Variants in SNRK observed in about 807,000 individuals in gnomAD.
SNRK encodes SNF related kinase, also known as SNF-related serine/threonine-protein kinase.
A neutral mutation model predicts 48.2 loss-of-function variants in SNRK; 3 were observed. The ratio of observed to expected loss-of-function variants is 0.06; its 90% CI spans 0.03 to 0.16. The LOEUF (loss-of-function observed/expected upper bound fraction) is 0.16, where lower values mean the gene tolerates loss of function less well. SNRK is among the 10% of genes least tolerant of loss of function. The pLI is 1.00. For synonymous variants in SNRK, 376 were observed against 366.1 expected (o/e 1.03, Z -0.31); for missense variants, 627 against 976.0 (o/e 0.64, Z 4.76).
At chr3:43,336,753 T>TGGTTTG (rs2091192382) in intron 4 of SNRK, among the ~76,000 whole-genome samples, 1 of 151,852 alleles carries the variant, frequency 6.6e-6, no homozygotes, top group African/African-American at 2.4e-5. Flanking sequence ...TTGTTTGTTT[T>TGGTTTG]GGTTTTGGTT....
At chr3:43,346,177 G>A (rs998520312) in intron 6 of SNRK, among the ~76,000 whole-genome samples, 2 of 152,138 alleles carry the variant, frequency 1.3e-5, no homozygotes, top group Non-Finnish European at 2.9e-5. Flanking sequence ...GTCATTGTTC[G>A]GTTATGACCA....
chr3:43,318,761 C>T (rs2091031473), intron 3 of SNRK, among the ~76,000 whole-genome samples: 1 of 152,064 alleles, frequency 6.6e-6, no homozygotes, highest in Non-Finnish European at 1.5e-5. Context: ...CGTGGTGGCT[C>T]ATGCCTTTAA....
chr3:43,301,898 A>G (rs1380566642), intron 2 of SNRK, among the ~76,000 whole-genome samples: 1 of 152,218 alleles, frequency 6.6e-6, no homozygotes, highest in East Asian at 1.9e-4. Context: ...GTGAGATATA[A>G]AGTTGCATCT....
At chr3:43,302,796 T>G (rs961424778) in intron 2 of SNRK, among the ~76,000 whole-genome samples, 1 of 152,148 alleles carries the variant, frequency 6.6e-6, no homozygotes, top group African/African-American at 2.4e-5. Flanking sequence ...AAAATGTTTG[T>G]TTTTTAAACA....
intron 4 of SNRK, among the ~76,000 whole-genome samples, chr3:43,339,818 A>AATATATATATATAT (rs71083066): frequency 4.3e-4 from 29 of 66,720 alleles, no homozygotes; most frequent in East Asian, 7.6e-4. Context: ...CCATTTCCAA[A>AATATATATATATAT]ATATATATAT....
At chr3:43,329,224 G>T (rs1045703839) in intron 3 of SNRK, among the ~76,000 whole-genome samples, 4 of 152,154 alleles carry the variant, frequency 2.6e-5, no homozygotes, top group African/African-American at 9.7e-5. Context: ...GGATCATGAG[G>T]TCAGGGGATC....
intron 3 of SNRK, among the ~76,000 whole-genome samples, chr3:43,318,136 G>T (rs1296425879): frequency 6.6e-6 from 1 of 152,104 alleles, no homozygotes; most frequent in Non-Finnish European, 1.5e-5. Flanking sequence ...AAGAGTATCC[G>T]AGGTACCCTT....
intron 3 of SNRK, among the ~76,000 whole-genome samples, chr3:43,323,969 G>T (rs2091074688): frequency 6.6e-6 from 1 of 152,150 alleles, no homozygotes; most frequent in African/African-American, 2.4e-5. Flanking sequence ...AAATTTTGGG[G>T]TAACACAGCT....
chr3:43,306,310 A>G (rs905385027), intron 3 of SNRK, among the ~76,000 whole-genome samples: 4 of 152,164 alleles, frequency 2.6e-5, no homozygotes, highest in African/African-American at 4.8e-5. Context: ...TTTTTCACAA[A>G]TGTTTAGTAA....
chr3:43,310,408 T>A (rs2090970924), intron 3 of SNRK, among the ~76,000 whole-genome samples: 1 of 152,208 alleles, frequency 6.6e-6, no homozygotes, highest in South Asian at 2.1e-4. Context: ...TCTCCTACCC[T>A]ACAAATAAGA....
At chr3:43,338,730 TG>T (rs1408419701) in intron 4 of SNRK, among the ~76,000 whole-genome samples, 5 of 144,332 alleles carry the variant, frequency 3.5e-5, no homozygotes, top group African/African-American at 1.2e-4. Flanking sequence ...ACATTAATTC[TG>T]TGTCTTTTTA....
chr3:43,343,440 C>G lies in SNRK; in HGVS notation c.1041C>G (p.Thr347=), dbSNP rs758491420. The change falls in exon 6 of 7, where the codon ACC becomes ACG. Residue 347 remains threonine, a synonymous_variant. Coordinates refer to ENST00000296088, the MANE Select transcript of SNRK (RefSeq NM_017719.5). The part of the protein sequence containing the change: ...LREKQEKEIQ[T]RSASPSNIKA... ...AAAAGCAAGAGAAAGAAATACAGACCAGATCTGCAAGCCCGAGCAATATCA... is the reference window on the plus strand; with the variant it reads ...AAAAGCAAGAGAAAGAAATACAGACGAGATCTGCAAGCCCGAGCAATATCA... 4 of 1,613,486 alleles carry G rather than the reference C, an allele frequency of 2.5e-6. No individual in the cohort carries two copies. The South Asian group carries it at 3.3e-5, about 13-fold the overall frequency.
At chr3:43,324,416 G>A (rs901197248) in intron 3 of SNRK, among the ~76,000 whole-genome samples, 1 of 150,964 alleles carries the variant, frequency 6.6e-6, no homozygotes, top group African/African-American at 2.4e-5. Flanking sequence ...GGCTGAGGCA[G>A]AAGAATCGCT....
chr3:43,343,208 G>T, intron 5 of SNRK, 136 bp from the exon 6 acceptor site: 4 of 1,197,928 alleles, frequency 3.3e-6, no homozygotes, highest in Non-Finnish European at 3.3e-6. Context: ...GTTTTTTTCT[G>T]GTTTGCATTT....
At chr3:43,315,598 TG>T (rs141513860) in intron 3 of SNRK, among the ~76,000 whole-genome samples, 4,712 of 152,288 alleles carry the variant, frequency 0.031, 112 homozygotes, top group South Asian at 0.14. Flanking sequence ...CTATCGAGTT[TG>T]GGATTATCTG....
chr3:43,339,828 T>C (rs1236610636), intron 4 of SNRK, among the ~76,000 whole-genome samples: 1 of 10,520 alleles, frequency 9.5e-5, no homozygotes, highest in Admixed American at 9.8e-4. Context: ...AATATATATA[T>C]ATATATATAT....
intron 5 of SNRK, among the ~76,000 whole-genome samples, chr3:43,340,930 T>A (rs1279763975): frequency 6.6e-6 from 1 of 152,074 alleles, no homozygotes. Flanking sequence ...TTTTTATAAG[T>A]GAAGTTTTAT....
chr3:43,297,870 C>G (rs893791861), intron 1 of SNRK, among the ~76,000 whole-genome samples: 9 of 152,252 alleles, frequency 5.9e-5, no homozygotes, highest in East Asian at 3.9e-4. Context: ...TTACAGCACT[C>G]ATTTTCAATT....
chr3:43,343,179 C>G, intron 5 of SNRK, 165 bp from the exon 6 acceptor site: 2 of 790,074 alleles, frequency 2.5e-6, no homozygotes, highest in Non-Finnish European at 1.9e-6. Context: ...TTTGAGTGAC[C>G]TAAATAACTA....
Sources: gnomAD v4.1 joint callset for allele counts (sites outside exome capture counted in the v4.1 genomes callset) on GRCh38, gnomAD v4.1.1 for gene constraint, MANE v1.5 for transcripts, NCBI Gene and HGNC (gene_info 2026-07-23, HGNC 2026-07-21) for gene names.